Variants in LGR6 observed in about 807,000 individuals in gnomAD.
The protein encoded by LGR6 is leucine rich repeat containing G protein-coupled receptor 6.
A neutral mutation model predicts 69.4 loss-of-function variants in LGR6; 45 were observed. The ratio of observed to expected loss-of-function variants is 0.65; its 90% confidence interval spans 0.51 to 0.83. The LOEUF is 0.83. Ranked by LOEUF, LGR6 falls within the 40% of genes least tolerant of loss-of-function variation. The pLI is 0.00. For synonymous variants in LGR6, 538 were observed against 555.0 expected, an observed-to-expected ratio of 0.97 and a Z score of 0.43; for missense variants, 1,108 against 1,246.7, an observed-to-expected ratio of 0.89 and a Z score of 1.68.
chr1:202,215,273 C>T (rs1380954449), intron 1 of LGR6, among the ~76,000 whole-genome samples: 1 of 152,182 alleles, frequency 6.6e-6, no homozygotes, highest in Non-Finnish European at 1.5e-5. Flanking sequence ...ACTTCACCTC[C>T]CCAATCCTTG....
intron 1 of LGR6, among the ~76,000 whole-genome samples, chr1:202,213,068 AACACACACTGTTCACAGGGGC>A (rs1312035771): frequency 6.6e-6 from 1 of 152,140 alleles, no homozygotes; most frequent in African/African-American, 2.4e-5. Flanking sequence ...GAGGGCAGGG[AACACACACTGTTCACAGGGGC>A]ACACACACTT....
At chr1:202,231,387 G>A (rs1258098039) in intron 3 of LGR6, among the ~76,000 whole-genome samples, 2 of 152,166 alleles carry the variant, frequency 1.3e-5, no homozygotes, top group Non-Finnish European at 2.9e-5. Flanking sequence ...CTGGCTCGGG[G>A]GAGAAGGCTG....
chr1:202,228,032 A>C (rs1660697940), intron 3 of LGR6, 25 bp downstream of exon 3: 4 of 1,545,964 alleles, frequency 2.6e-6, no homozygotes, highest in Non-Finnish European at 3.6e-6. Flanking sequence ...ACCTCATTTT[A>C]CATAGAGCTG....
intron 3 of LGR6, among the ~76,000 whole-genome samples, chr1:202,235,085 G>A (rs16849773): frequency 0.046 from 6,939 of 152,252 alleles, 224 homozygotes; most frequent in East Asian, 0.084. Flanking sequence ...GCTTTCGAGT[G>A]CTATCCTCAA....
chr1:202,304,386 G>A (rs187692308), intron 10 of LGR6, among the ~76,000 whole-genome samples, 173 bp from the exon 11 acceptor site: 210 of 152,094 alleles, frequency 1.4e-3, no homozygotes, highest in Non-Finnish European at 1.6e-3. Flanking sequence ...AGATGCCAGT[G>A]TCTGCTCGTT....
rs919127099 is a variant in LGR6 at position 202,276,864 on chromosome 1, A to G, written c.644+343A>G. Among the ~76,000 whole-genome samples the G allele has an allele frequency of 3.3e-5, 5 of 152,196 alleles. No homozygotes were observed. In the East Asian group the frequency reaches 9.6e-4, roughly 29 times the overall value. ...ATATAAATCAAGAATTTCTTAAGTAATTTCTACCATATTTGACAATTAGAT... is the reference window on the plus strand; with the variant it reads ...ATATAAATCAAGAATTTCTTAAGTAGTTTCTACCATATTTGACAATTAGAT... On this transcript the variant is annotated intron_variant, in intron 5 of 17. Transcript: ENST00000367278.
chr1:202,229,530 G>C (rs1660835953), intron 3 of LGR6, among the ~76,000 whole-genome samples: 1 of 152,250 alleles, frequency 6.6e-6, no homozygotes, highest in South Asian at 2.1e-4. Flanking sequence ...TTCAGAAGAT[G>C]TAAGACTCAC....
chr1:202,221,418 G>A (rs4950774), intron 1 of LGR6, among the ~76,000 whole-genome samples: 48,765 of 151,910 alleles, frequency 0.32, 8,756 homozygotes, highest in Non-Finnish European at 0.41. Flanking sequence ...TTTTCCTCAT[G>A]TGCAGCCAGA....
At chr1:202,282,834 G>A (rs1012392360) in intron 6 of LGR6, among the ~76,000 whole-genome samples, 6 of 152,338 alleles carry the variant, frequency 3.9e-5, no homozygotes, top group Middle Eastern at 6.8e-3. Flanking sequence ...CAATCCTGCC[G>A]CTAAGCGCCC....
In LGR6 at chr1:202,289,596, A is replaced by G. The variant is rs115005749; in HGVS notation, c.717-7912A>G. 3.3e-3 allele frequency among the ~76,000 whole-genome samples: 509 copies of G among 152,348 alleles called. 5 individuals are homozygous for G. The highest frequency in any genetic ancestry group is 0.012 in the African/African-American group (490 of 41,580). On this transcript the variant is annotated intron_variant, in intron 6 of 17. Coordinates refer to ENST00000367278, the MANE Select transcript of LGR6 (RefSeq NM_001017403.2). ...GTGTCTCTCAATGGAAGCTAATGAC[A>G]GCTTTACTCATTGCTGCATTTATTA... is the stretch of plus-strand genomic sequence containing the variant.
At position 202,287,740 on chromosome 1, in the gene LGR6, G is replaced by A. The variant is rs60734593; in HGVS notation, c.716+6888G>A. On this transcript the variant is annotated intron_variant, in intron 6 of 17. Transcript: ENST00000367278. ...CTCACATCCCACATCCAAGCTGTCA[G>A]CAAACTCCATTGGCCCCATCTTCCA... is the stretch of plus-strand genomic sequence containing the variant. 7.7e-4 allele frequency among the ~76,000 whole-genome samples: 117 copies of A among 152,206 alleles called. 4 individuals carry two copies. The East Asian group carries it at 0.021, about 27-fold the overall frequency.
chr1:202,302,435 G>A (rs1022284192), intron 9 of LGR6, among the ~76,000 whole-genome samples: 4 of 152,098 alleles, frequency 2.6e-5, no homozygotes, highest in Non-Finnish European at 4.4e-5. Flanking sequence ...AATTTTCTGC[G>A]CTGCTGTTGC....
chr1:202,201,856 G>A (rs1357444638), intron 1 of LGR6, among the ~76,000 whole-genome samples: 1 of 152,192 alleles, frequency 6.6e-6, no homozygotes, highest in African/African-American at 2.4e-5. Flanking sequence ...AGGGTAAGAC[G>A]GAATCCTTGA....
At chr1:202,216,200 C>A (rs1659768892) in intron 1 of LGR6, among the ~76,000 whole-genome samples, 1 of 152,232 alleles carries the variant, frequency 6.6e-6, no homozygotes, top group Non-Finnish European at 1.5e-5. Flanking sequence ...GGTACTTGAA[C>A]TGGGCTTCAG....
At chr1:202,266,976 A>G (rs1333202646) in intron 4 of LGR6, among the ~76,000 whole-genome samples, 15 of 152,204 alleles carry the variant, frequency 9.9e-5, no homozygotes, top group Admixed American at 9.8e-4. Flanking sequence ...CCTTGAGGGC[A>G]GGAACCAAAT....
chr1:202,300,778 G>A (rs1412749377), intron 7 of LGR6, 71 bp from the exon 8 acceptor site: 5 of 1,119,932 alleles, frequency 4.5e-6, no homozygotes, highest in Non-Finnish European at 6.6e-6. Flanking sequence ...CAAAAGCCCT[G>A]TGGAATTCCA....
At chr1:202,287,796 C>T (rs1455716463) in intron 6 of LGR6, among the ~76,000 whole-genome samples, 1 of 152,212 alleles carries the variant, frequency 6.6e-6, no homozygotes, top group African/African-American at 2.4e-5. Context: ...ACGTCTCACC[C>T]CTTCCACTGC....
chr1:202,317,902 C>G, intron 17 of LGR6, 50 bp from the exon 18 acceptor site: 1 of 1,519,112 alleles, frequency 6.6e-7, no homozygotes, highest in Non-Finnish European at 8.9e-7. Flanking sequence ...TCCTGAAGAC[C>G]TGGTCCCACC....
intron 1 of LGR6, among the ~76,000 whole-genome samples, chr1:202,205,882 TCAAA>T (rs564312624): frequency 0.016 from 2,244 of 139,456 alleles, 58 homozygotes; most frequent in African/African-American, 0.057. Flanking sequence ...CACCCGTCCT[TCAAA>T]CACACACACA....
Sources: allele counts gnomAD v4.1 joint callset (sites outside exome capture counted in the v4.1 genomes callset), GRCh38; gene constraint gnomAD v4.1.1; transcripts MANE v1.5; gene names NCBI Gene and HGNC (gene_info 2026-07-23, HGNC 2026-07-21).